Variants in IQSEC1 observed in about 807,000 individuals in gnomAD.
IQSEC1 encodes IQ motif and Sec7 domain ArfGEF 1.
Under a neutral mutation model 91.0 loss-of-function variants are expected in IQSEC1, and 31 were observed. The observed-to-expected ratio is 0.34, with a 90% CI of 0.26 to 0.46. IQSEC1 has a LOEUF of 0.46. Among genes scored for constraint, IQSEC1 ranks in the 20% least tolerant of loss-of-function variants. The pLI is 1.00. For missense variants in IQSEC1, 1,388 were observed against 1,575.6 expected (o/e 0.88, Z 2.02); for synonymous variants, 699 against 662.6 (o/e 1.05, Z -0.84).
At chr3:13,033,986 T>C (rs1433223736) in intron 1 of IQSEC1, among the ~76,000 whole-genome samples, 1 of 152,168 alleles carries the variant, frequency 6.6e-6, no homozygotes, top group African/African-American at 2.4e-5. Flanking sequence ...CCAATTTCCT[T>C]TTCTTATAAG....
At chr3:13,038,287 TATATATATATAA>T (rs1559735010) in intron 1 of IQSEC1, among the ~76,000 whole-genome samples, 1 of 132,666 alleles carries the variant, frequency 7.5e-6, no homozygotes, top group African/African-American at 2.6e-5. Context: ...TATATATATA[TATATATATATAA>T]AATGAAGTAC....
chr3:12,969,701 G>C (rs1047237814), intron 1 of IQSEC1, among the ~76,000 whole-genome samples: 2 of 152,180 alleles, frequency 1.3e-5, no homozygotes, highest in Non-Finnish European at 2.9e-5. Flanking sequence ...CTCACCATCC[G>C]GATTGTCCAA....
chr3:13,118,721 G>C (rs1380244382), intron 2 of IQSEC1, among the ~76,000 whole-genome samples: 3 of 152,164 alleles, frequency 2.0e-5, no homozygotes, highest in African/African-American at 7.2e-5. Flanking sequence ...GAGTTCTGGA[G>C]ATGGATGGTG....
At chr3:13,229,628 G>C (rs1694811594) in intron 1 of IQSEC1, among the ~76,000 whole-genome samples, 1 of 152,226 alleles carries the variant, frequency 6.6e-6, no homozygotes, top group Non-Finnish European at 1.5e-5. Flanking sequence ...AGAGATCTGA[G>C]CTGGCAGGTG....
intron 1 of IQSEC1, among the ~76,000 whole-genome samples, chr3:13,072,697 G>A (rs933783468): frequency 2.6e-5 from 4 of 152,238 alleles, no homozygotes; most frequent in Admixed American, 2.6e-4. Flanking sequence ...AGTAGGAGCC[G>A]GTCTGGGCAC....
chr3:13,109,271 C>T (rs1473198019), intron 2 of IQSEC1, among the ~76,000 whole-genome samples: 3 of 152,172 alleles, frequency 2.0e-5, no homozygotes, highest in Admixed American at 6.5e-5. Flanking sequence ...CTCCCATTCT[C>T]CCACCACTCT....
chr3:13,102,132 G>A (rs527554118), intron 2 of IQSEC1, among the ~76,000 whole-genome samples: 2 of 152,194 alleles, frequency 1.3e-5, no homozygotes, highest in South Asian at 2.1e-4. Flanking sequence ...GCAAAAATTA[G>A]TCAGGCATGG....
intron 1 of IQSEC1, among the ~76,000 whole-genome samples, chr3:13,246,268 G>T (rs1695106885): frequency 6.6e-6 from 1 of 152,178 alleles, no homozygotes; most frequent in African/African-American, 2.4e-5. Context: ...CAAAGGCCGA[G>T]AACAGCAGGA....
chr3:13,243,390 C>T (rs76205557), intron 1 of IQSEC1, among the ~76,000 whole-genome samples: 4,569 of 152,224 alleles, frequency 0.03, 104 homozygotes, highest in South Asian at 0.075. Flanking sequence ...AGGAGCCCTG[C>T]GGAGGCCCCA....
intron 1 of IQSEC1, among the ~76,000 whole-genome samples, chr3:13,204,926 G>C (rs1330346767): frequency 6.6e-6 from 1 of 151,008 alleles, no homozygotes; most frequent in Non-Finnish European, 1.5e-5. Context: ...TCAGCCTCCC[G>C]AGCGGCTGGG....
At chr3:13,233,162 T>C (rs1394168042) in intron 1 of IQSEC1, among the ~76,000 whole-genome samples, 2 of 152,206 alleles carry the variant, frequency 1.3e-5, no homozygotes, top group African/African-American at 4.8e-5. Flanking sequence ...GAAAACAAAG[T>C]GTCACGTGAG....
At chr3:13,094,602 G>A (rs1273758525) in intron 2 of IQSEC1, among the ~76,000 whole-genome samples, 1 of 152,144 alleles carries the variant, frequency 6.6e-6, no homozygotes, top group Non-Finnish European at 1.5e-5. Flanking sequence ...ACTGTTCGTG[G>A]ATCAGCCTGT....
chr3:13,044,728 T>C (rs1465962504), intron 1 of IQSEC1, among the ~76,000 whole-genome samples: 1 of 151,608 alleles, frequency 6.6e-6, no homozygotes, highest in African/African-American at 2.4e-5. Flanking sequence ...AGCTTCCCTC[T>C]CACGCCTGTG....
chr3:13,083,494 T>A (rs1177189962), intron 2 of IQSEC1, among the ~76,000 whole-genome samples: 1 of 152,236 alleles, frequency 6.6e-6, no homozygotes, highest in Non-Finnish European at 1.5e-5. Flanking sequence ...AACAATGGGG[T>A]GGCACATTTG....
chr3:12,950,665 C>G (rs892424770), intron 1 of IQSEC1, among the ~76,000 whole-genome samples: 1 of 147,830 alleles, frequency 6.8e-6, no homozygotes, highest in African/African-American at 2.5e-5. Context: ...TTTTTTGATA[C>G]GGAGTCTCAC....
At chr3:13,265,933 A>C (rs1695482125) in intron 1 of IQSEC1, among the ~76,000 whole-genome samples, 1 of 147,462 alleles carries the variant, frequency 6.8e-6, no homozygotes, top group Admixed American at 6.7e-5. Context: ...AAAAAAAAAA[A>C]GGAAACCAGA....
chr3:12,980,630 T>C (rs570062741), intron 1 of IQSEC1, among the ~76,000 whole-genome samples: 1 of 152,184 alleles, frequency 6.6e-6, no homozygotes, highest in Non-Finnish European at 1.5e-5. Context: ...TAATTCCACA[T>C]TCAATGCCCT....
intron 10 of IQSEC1, among the ~76,000 whole-genome samples, chr3:12,911,111 G>A (rs1559610692): frequency 6.6e-6 from 1 of 152,246 alleles, no homozygotes; most frequent in Non-Finnish European, 1.5e-5. Context: ...TGTTCCGGCA[G>A]CTATGATGGG....
At position 13,193,976 on chromosome 3, in the gene IQSEC1, T is replaced by C. The variant is rs1295441942; in HGVS notation, c.273-29843A>G. Among the ~76,000 whole-genome samples, 1 of 152,110 alleles carries C rather than the reference T, an allele frequency of 6.6e-6. No homozygotes were observed. The highest frequency in any genetic ancestry group is 1.9e-4 in the East Asian group (1 of 5,180). On this transcript the variant is annotated intron_variant, in intron 1 of 15. Coordinates refer to the IQSEC1 transcript ENST00000648114. This position sits in a 1 kb window ranked among gnomAD's most constrained non-coding sequence, Gnocchi z 4.2. The stretch of plus-strand genomic sequence containing the variant: ...GCAAGGCTTTGGTTGGCAAGGGTGG[T>C]TTCTCTGGCAGCCTCTCTCCCTCCT...
Sources: gnomAD v4.1 joint callset for allele counts (sites outside exome capture counted in the v4.1 genomes callset) on GRCh38, gnomAD v4.1.1 for gene constraint, Gnocchi (gnomAD v3.1) non-coding constraint, MANE v1.5 for transcripts, NCBI Gene and HGNC (gene_info 2026-07-23, HGNC 2026-07-21) for gene names.